Variants in SYN3 observed in about 807,000 individuals in gnomAD.
SYN3 encodes the protein synapsin-3.
A neutral mutation model predicts 65.8 loss-of-function variants in SYN3; 35 were observed. That is an observed-to-expected ratio of 0.53 (90% CI 0.41 to 0.70). The LOEUF (loss-of-function observed/expected upper bound fraction) is 0.70. Among genes scored for constraint, SYN3 ranks in the 30% least tolerant of loss-of-function variants. SYN3 has a pLI of 0.00. For synonymous variants in SYN3, 270 were observed against 292.9 expected, an observed-to-expected ratio of 0.92 and a Z score of 0.80; for missense variants, 680 against 749.0, an observed-to-expected ratio of 0.91 and a Z score of 1.08.
intron 6 of SYN3, among the ~76,000 whole-genome samples, chr22:32,755,344 C>T (rs986355645): frequency 1.3e-5 from 2 of 152,212 alleles, no homozygotes; most frequent in African/African-American, 2.4e-5. Context: ...ACCCACCACA[C>T]TGACTGTTCC....
intron 6 of SYN3, among the ~76,000 whole-genome samples, chr22:32,618,104 G>C (rs1188978016): frequency 6.6e-6 from 1 of 152,150 alleles, no homozygotes; most frequent in Non-Finnish European, 1.5e-5. Context: ...ATAAACCACT[G>C]TTAAGTGAAT....
rs138081581 is a variant in SYN3 at position 32,851,563 on chromosome 22, C to T, written c.711+13352G>A. On this transcript the variant is annotated intron_variant, in intron 6 of 13. Transcript: ENST00000358763. ...CTTAGGCTTTCGGTTCACCATCCTTCGCCTGAGCTCATGAATCATGGTGCT... is the reference window on the plus strand; with the variant it reads ...CTTAGGCTTTCGGTTCACCATCCTTTGCCTGAGCTCATGAATCATGGTGCT... 1.3e-3 allele frequency among the ~76,000 whole-genome samples: 200 copies of T among 152,266 alleles called. 3 individuals are homozygous for T. The East Asian group carries it at 0.022, about 17-fold the overall frequency.
chr22:32,908,064 C>CCCAG (rs2049949725), intron 4 of SYN3, among the ~76,000 whole-genome samples: 1 of 151,922 alleles, frequency 6.6e-6, no homozygotes, highest in Non-Finnish European at 1.5e-5. Flanking sequence ...CCCAGACAGG[C>CCCAG]ACACTCCAAG....
intron 1 of SYN3, among the ~76,000 whole-genome samples, chr22:33,029,766 G>A (rs1405156015): frequency 3.9e-5 from 6 of 152,132 alleles, no homozygotes; most frequent in Non-Finnish European, 8.8e-5. Flanking sequence ...TTACAACCCA[G>A]CTCTGACTGA....
At chr22:32,897,933 C>T (rs1044467496) in intron 4 of SYN3, among the ~76,000 whole-genome samples, 1 of 152,130 alleles carries the variant, frequency 6.6e-6, no homozygotes, top group Non-Finnish European at 1.5e-5. Context: ...GATCCTCCCA[C>T]CTCAGCCTCC....
At chr22:32,880,744 C>G (rs945454459) in intron 4 of SYN3, among the ~76,000 whole-genome samples, 5 of 152,216 alleles carry the variant, frequency 3.3e-5, no homozygotes, top group Admixed American at 1.3e-4. Context: ...TAACTGAAAC[C>G]TGGAGTAGTT....
intron 2 of SYN3, among the ~76,000 whole-genome samples, chr22:33,004,927 C>G (rs1016742139): frequency 6.6e-6 from 1 of 152,008 alleles, no homozygotes; most frequent in Non-Finnish European, 1.5e-5. Context: ...TGGGAGGGAC[C>G]CAGAGGGAGG....
At chr22:32,694,230 T>A (rs1036534367) in intron 6 of SYN3, among the ~76,000 whole-genome samples, 10 of 152,186 alleles carry the variant, frequency 6.6e-5, no homozygotes, top group African/African-American at 2.4e-4. Context: ...TTATTCTACA[T>A]CCACAGACTC....
At chr22:32,807,349 AT>A (rs1274955393) in intron 6 of SYN3, among the ~76,000 whole-genome samples, 1 of 1,048 alleles carries the variant, frequency 9.5e-4, no homozygotes, top group African/African-American at 2.9e-3. Flanking sequence ...TAATATATAA[AT>A]ATATAATATA....
At chr22:32,618,071 G>A (rs1032191215) in intron 6 of SYN3, among the ~76,000 whole-genome samples, 4 of 152,044 alleles carry the variant, frequency 2.6e-5, no homozygotes, top group Non-Finnish European at 4.4e-5. Context: ...TCTTATCCCC[G>A]GAGCCTGGCA....
chr22:32,511,380 G>T lies in SYN3; in HGVS notation c.*2312C>A, dbSNP rs1274243300. Among the ~76,000 whole-genome samples, 2 of 152,218 alleles carry T rather than the reference G, an allele frequency of 1.3e-5. No individual in the cohort carries two copies. Among genetic ancestry groups the T allele is most frequent in the Non-Finnish European group, 2.9e-5 (2 of 68,046 alleles). ...TCTAGAAGAATGTGTCGACAATGAT[G>T]CCTGCAAAGCAGCAGCTTCATGTGT... On this transcript the variant is annotated 3_prime_UTR_variant, in exon 14 of 14. Coordinates refer to ENST00000358763, the MANE Select transcript of SYN3 (RefSeq NM_003490.4).
At chr22:32,541,180 C>A (rs2146236764) in intron 8 of SYN3, among the ~76,000 whole-genome samples, 1 of 152,224 alleles carries the variant, frequency 6.6e-6, no homozygotes, top group Non-Finnish European at 1.5e-5. Context: ...TCATGGTCAC[C>A]TTTTTATAAA....
At chr22:32,749,696 ACATT>A (rs1569193891) in intron 6 of SYN3, among the ~76,000 whole-genome samples, 1 of 152,112 alleles carries the variant, frequency 6.6e-6, no homozygotes, top group Non-Finnish European at 1.5e-5. Flanking sequence ...GGGGACACAA[ACATT>A]CAGTCTACGG....
chr22:32,710,003 C>T (rs1210440055), intron 6 of SYN3, among the ~76,000 whole-genome samples: 2 of 150,796 alleles, frequency 1.3e-5, no homozygotes, highest in African/African-American at 2.4e-5. Context: ...TCTTCATAAC[C>T]TGGACTGATT....
intron 6 of SYN3, among the ~76,000 whole-genome samples, chr22:32,777,241 C>G (rs2045929355): frequency 6.6e-6 from 1 of 152,148 alleles, no homozygotes; most frequent in Non-Finnish European, 1.5e-5. Context: ...TCCTTCGTGT[C>G]CCAGCTGTGG....
intron 12 of SYN3, 144 bp downstream of exon 12, chr22:32,527,774 A>G: frequency 1.5e-6 from 1 of 674,476 alleles, no homozygotes; most frequent in Non-Finnish European, 2.5e-6. Context: ...GAGTTTGACC[A>G]ACCCCATAGT....
chr22:32,559,640 A>G (rs2058555047), intron 7 of SYN3, among the ~76,000 whole-genome samples: 1 of 141,050 alleles, frequency 7.1e-6, no homozygotes, highest in Admixed American at 7.4e-5. Flanking sequence ...CCTGGCTAAC[A>G]CGGTGAAACC....
intron 6 of SYN3, among the ~76,000 whole-genome samples, chr22:32,689,651 T>C (rs1569151702): frequency 6.6e-6 from 1 of 152,136 alleles, no homozygotes; most frequent in Non-Finnish European, 1.5e-5. Flanking sequence ...TGTTTTTTAA[T>C]AGTGAGGAGA....
At chr22:32,825,225 AT>A (rs1226612014) in intron 6 of SYN3, among the ~76,000 whole-genome samples, 2 of 152,166 alleles carry the variant, frequency 1.3e-5, no homozygotes, top group Non-Finnish European at 2.9e-5. Flanking sequence ...TGAATGCTGC[AT>A]GTAGAGGTCT....
Sources: gnomAD v4.1 joint callset for allele counts (sites outside exome capture counted in the v4.1 genomes callset) on GRCh38, gnomAD v4.1.1 for gene constraint, MANE v1.5 for transcripts, NCBI Gene and HGNC (gene_info 2026-07-23, HGNC 2026-07-21) for gene names.